The following SIGLEC5 variants were observed in gnomAD, a reference collection of about 807,000 sequenced individuals.
SIGLEC5 encodes sialic acid binding Ig like lectin 5, also known as sialic acid-binding Ig-like lectin 5.
A neutral mutation model predicts 45.9 loss-of-function variants in SIGLEC5; 34 were observed. The observed-to-expected ratio is 0.74, with a 90% CI of 0.56 to 0.99. SIGLEC5 has a LOEUF of 0.99. Among genes scored for constraint, SIGLEC5 ranks in the 50% least tolerant of loss-of-function variants. The pLI is 0.00. For synonymous variants in SIGLEC5, 203 were observed against 258.6 expected, an observed-to-expected ratio of 0.79 and a Z score of 2.06; for missense variants, 508 against 629.6, an observed-to-expected ratio of 0.81 and a Z score of 2.07.
At chr19:51,623,948 G>A (rs1983385120) in intron 8 of SIGLEC5, among the ~76,000 whole-genome samples, 1 of 152,066 alleles carries the variant, frequency 6.6e-6, no homozygotes, top group East Asian at 1.9e-4. Flanking sequence ...AGGTCAAGGT[G>A]GGTGGATCAA....
intron 8 of SIGLEC5, among the ~76,000 whole-genome samples, chr19:51,622,817 G>A (rs1443670927): frequency 6.6e-6 from 1 of 152,134 alleles, no homozygotes; most frequent in Admixed American, 6.5e-5. Flanking sequence ...ATGTCCATCA[G>A]TTCAATTTTT....
rs144846346 is a variant in SIGLEC5, at chr19:51,612,325, G to C, written c.1562C>G (p.Ala521Gly). Residue 521 changes from alanine to glycine, a missense_variant, in exon 9 of 9, where the codon GCC becomes GGC. Physicochemically the swap from Ala to Gly is moderately conservative, Grantham distance 60. Around this residue, in one of 2 missense-constraint regions of SIGLEC5, gnomAD observed 431 missense variants for 428.8 expected, o/e 1.01. Coordinates refer to ENST00000683636, the MANE Select transcript of SIGLEC5 (RefSeq NM_003830.4). ...PLEEQKELHY[A>G]SLSFSEMKSR... ...CTTCATCTCAGAAAAACTAAGGGAG[G>C]CATAATGGAGCTCCTTTTGTTCTTC... 73 of 1,613,196 alleles carry C rather than the reference G, an allele frequency of 4.5e-5. 1 individual carries two copies. The East Asian group carries it at 8.7e-4, about 19-fold the overall frequency.
chr19:51,627,929 A>C lies in SIGLEC5; in HGVS notation c.902T>G (p.Leu301Arg), dbSNP rs1166578269. Residue 301 changes from leucine to arginine, a missense_variant, in exon 5 of 9, where the codon CTT becomes CGT. By Grantham distance (102) the Leu-to-Arg change is moderately radical. Around this residue, in one of 2 missense-constraint regions of SIGLEC5, gnomAD observed 431 missense variants for 428.8 expected, o/e 1.01. Transcript: ENST00000683636. ...TTCTTCTGCAGACCTTACTCGACGAAGCTCCAAGATCCCGGTATTGGAGAT... is the reference window on the plus strand; with the variant it reads ...TTCTTCTGCAGACCTTACTCGACGACGCTCCAAGATCCCGGTATTGGAGAT... ...TPISNTGILE[L>R]RRVRSAEEGG... 2.5e-6 allele frequency: 4 copies of C among 1,613,988 alleles called. No homozygotes were observed. Among genetic ancestry groups the C allele is most frequent in the African/African-American group, 1.3e-5 (1 of 74,910 alleles).
Position 51,611,557 on chromosome 19 carries a change from G to A in SIGLEC5, c.*674C>T, listed in dbSNP as rs955038843. On this transcript the variant is annotated 3_prime_UTR_variant, in exon 9 of 9. Coordinates refer to ENST00000683636, the MANE Select transcript of SIGLEC5 (RefSeq NM_003830.4). ...ATATATTGTCTAAGGCCAGGGGGCC[G>A]TGAATGGGTTTGGGCAGGAAAGAGT... Among the ~76,000 whole-genome samples, 4 of 152,226 alleles carry A rather than the reference G, an allele frequency of 2.6e-5. No homozygotes were observed. The highest frequency in any genetic ancestry group is 2.1e-4 in the South Asian group (1 of 4,832).
chr19:51,611,930 G>T lies in SIGLEC5; in HGVS notation c.*301C>A. On this transcript the variant is annotated 3_prime_UTR_variant, in exon 9 of 9. Transcript: ENST00000683636. ...ACGCCCTGTTCCAGGACCCATGTTG[G>T]TTGATTTCCATGTGTTGATTTCTTT... is the stretch of plus-strand genomic sequence containing the variant. 1 of 184,818 alleles carries T rather than the reference G, an allele frequency of 5.4e-6. No homozygotes were observed. Among genetic ancestry groups the T allele is most frequent in the South Asian group, 1.6e-4 (1 of 6,274 alleles). The allele number at this position is 184,818 out of a possible 1,614,324, so 11.4% of individuals were successfully genotyped here.
intron 8 of SIGLEC5, among the ~76,000 whole-genome samples, chr19:51,620,779 T>C (rs1367767442): frequency 6.6e-6 from 1 of 152,180 alleles, no homozygotes; most frequent in African/African-American, 2.4e-5. Flanking sequence ...AAACTGTTAT[T>C]ATTTTGCAGA....
At chr19:51,623,570 G>A (rs570241633) in intron 8 of SIGLEC5, among the ~76,000 whole-genome samples, 1 of 152,274 alleles carries the variant, frequency 6.6e-6, no homozygotes, top group South Asian at 2.1e-4. Flanking sequence ...CCGAGGAAAT[G>A]CAAATCAATA....
At chr19:51,624,664 C>T (rs1983411571) in intron 8 of SIGLEC5, among the ~76,000 whole-genome samples, 1 of 152,054 alleles carries the variant, frequency 6.6e-6, no homozygotes, top group Non-Finnish European at 1.5e-5. Flanking sequence ...CAGCCCCTGT[C>T]CTTCAAGAAT....
chr19:51,625,410 G>A (rs923627030), intron 8 of SIGLEC5, among the ~76,000 whole-genome samples: 2 of 152,240 alleles, frequency 1.3e-5, no homozygotes, highest in African/African-American at 4.8e-5. Context: ...TAGTTTTGGG[G>A]CGATGATTCT....
Position 51,629,842 on chromosome 19 carries a change from C to T in SIGLEC5, c.412G>A (p.Glu138Lys), listed in dbSNP as rs1434918122. 1 of 1,347,738 alleles carries T rather than the reference C, an allele frequency of 7.4e-7. No homozygotes were observed. The highest frequency in any genetic ancestry group is 2.2e-5 in the East Asian group (1 of 44,720). The allele number at this position is 1,347,738 out of a possible 1,614,324, so 83.5% of individuals were successfully genotyped here. ...GGGGTCCCTGCCATACCTGTCACCTCCAAGTTCAGCTTATTCTGTTGGTAG... is the reference window on the plus strand; with the variant it reads ...GGGGTCCCTGCCATACCTGTCACCTTCAAGTTCAGCTTATTCTGTTGGTAG... ...YSYQQNKLNL[E>K]VTALIEKPDI... The change falls in exon 2 of 9, where the codon GAG becomes AAG. Residue 138 changes from glutamate to lysine, a missense_variant. Physicochemically the swap from Glu to Lys is moderately conservative, Grantham distance 56 (BLOSUM62 1). Around this residue, in one of 2 missense-constraint regions of SIGLEC5, gnomAD observed 77 missense variants for 200.8 expected, o/e 0.38. Transcript: ENST00000683636.
chr19:51,627,263 G>A lies in SIGLEC5; in HGVS notation c.1283-15C>T. On this transcript the variant is annotated splice_polypyrimidine_tract_variant and intron_variant, in intron 6 of 8. Transcript: ENST00000683636. ...GTTCGATCTCCCTGCAGAAAAGAGG[G>A]GCGTGCAATAACTCACTCCCAGGAC... The A allele has an allele frequency of 6.2e-7, 1 of 1,610,646 alleles. No individual in the cohort carries two copies. The highest frequency in any genetic ancestry group is 8.5e-7 in the Non-Finnish European group (1 of 1,177,074).
At chr19:51,615,464 T>A (rs572336996) in intron 8 of SIGLEC5, among the ~76,000 whole-genome samples, 1 of 152,092 alleles carries the variant, frequency 6.6e-6, no homozygotes, top group African/African-American at 2.4e-5. Flanking sequence ...GAATTCAGAG[T>A]ATGGACAGGA....
In SIGLEC5 at chr19:51,611,730, A is replaced by C. The variant is rs1982857591; in HGVS notation, c.*501T>G. On this transcript the variant is annotated 3_prime_UTR_variant, in exon 9 of 9. Coordinates refer to ENST00000683636, the MANE Select transcript of SIGLEC5 (RefSeq NM_003830.4). Reference sequence around the variant, plus strand: ...ATATAAGATCCCACATCATGAACCAAGTGCCAGGCTGAGGGGCTGGTCTTT... The same window carrying C: ...ATATAAGATCCCACATCATGAACCACGTGCCAGGCTGAGGGGCTGGTCTTT... Among the ~76,000 whole-genome samples, 2 of 152,220 alleles carry C rather than the reference A, an allele frequency of 1.3e-5. No homozygotes were observed. The highest frequency in any genetic ancestry group is 4.1e-4 in the South Asian group (2 of 4,830).
intron 8 of SIGLEC5, 109 bp from the exon 9 acceptor site, chr19:51,612,531 G>A: frequency 1.2e-6 from 1 of 816,864 alleles, no homozygotes; most frequent in South Asian, 2.0e-5. Context: ...AATGTAAGTT[G>A]GACTTTCTCA....
At position 51,629,450 on chromosome 19, in the gene SIGLEC5, C is replaced by T; in HGVS notation, c.608G>A (p.Arg203Lys). Residue 203 changes from arginine to lysine, a missense_variant, in exon 3 of 9, where the codon AGG becomes AAG. Coordinates refer to ENST00000683636, the MANE Select transcript of SIGLEC5 (RefSeq NM_003830.4). ...GAGGTTGGTGCCATGGTCCTCGGGCCTGGGGGTGAGGGTGAGCTCCGAGGA... is the reference window on the plus strand; with the variant it reads ...GAGGTTGGTGCCATGGTCCTCGGGCTTGGGGGTGAGGGTGAGCTCCGAGGA... ...TRSSELTLTPRPEDHGTNLTC... is the reference protein window; with the variant it reads ...TRSSELTLTPKPEDHGTNLTC... The T allele has an allele frequency of 6.2e-7, 1 of 1,613,434 alleles. No homozygotes were observed. Among genetic ancestry groups the T allele is most frequent in the Non-Finnish European group, 8.5e-7 (1 of 1,179,872 alleles).
At chr19:51,615,774 C>T (rs1005797421) in intron 8 of SIGLEC5, among the ~76,000 whole-genome samples, 1 of 152,092 alleles carries the variant, frequency 6.6e-6, no homozygotes, top group African/African-American at 2.4e-5. Context: ...GGGGCTTGTC[C>T]CAGTCATTTC....
At chr19:51,612,525 T>A in intron 8 of SIGLEC5, 103 bp from the exon 9 acceptor site, 1 of 863,562 alleles carries the variant, frequency 1.2e-6, no homozygotes, top group Non-Finnish European at 1.7e-6. Context: ...ATTTTGAATG[T>A]AAGTTGGACT....
Position 51,621,152 on chromosome 19 carries a change from A to G in SIGLEC5, c.1464+4880T>C, listed in dbSNP as rs2122625294. ...ACTGAGAGAATTATGACAATTCTCT[A>G]AATCCAGAGAGCTGACATCCCAGAG... On this transcript the variant is annotated intron_variant, in intron 8 of 8. Transcript: ENST00000683636. 4 of 152,362 alleles carry G rather than the reference A, an allele frequency of 2.6e-5. No individual in the cohort carries two copies. The East Asian group carries it at 7.7e-4, about 29-fold the overall frequency. The allele number at this position is 152,362 out of a possible 1,614,324, so 9.4% of individuals were successfully genotyped here.
At chr19:51,616,178 T>C (rs1600099070) in intron 8 of SIGLEC5, among the ~76,000 whole-genome samples, 1 of 152,202 alleles carries the variant, frequency 6.6e-6, no homozygotes, top group African/African-American at 2.4e-5. Context: ...CAGGGGAATG[T>C]GAGCTCACAG....
Sources: gnomAD v4.1 joint callset for allele counts (sites outside exome capture counted in the v4.1 genomes callset) on GRCh38, gnomAD v4.1.1 for gene constraint, gnomAD v4.1.1 regional missense constraint, MANE v1.5 for transcripts, NCBI Gene and HGNC (gene_info 2026-07-23, HGNC 2026-07-21) for gene names.